KCNIP1: variants seen among roughly 807,000 people sequenced by gnomAD.
KCNIP1 encodes the protein potassium voltage-gated channel interacting protein 1.
Under a neutral mutation model 33.0 loss-of-function variants are expected in KCNIP1, and 18 were observed. That is an observed-to-expected ratio of 0.55 (90% CI 0.38 to 0.81). The LOEUF (loss-of-function observed/expected upper bound fraction) is 0.81, where lower values mean the gene tolerates loss of function less well. Among genes scored for constraint, KCNIP1 ranks in the 30% least tolerant of loss-of-function variants. The probability of loss-of-function intolerance (pLI) is 0.00; values close to 1 mark genes in which losing one functional copy is unlikely to be tolerated. For missense variants in KCNIP1, 238 were observed against 271.6 expected (o/e 0.88, Z 0.87); for synonymous variants, 93 against 98.3 (o/e 0.95, Z 0.32).
At chr5:170,733,202 G>T (rs1443024503) in intron 6 of KCNIP1, among the ~76,000 whole-genome samples, 7 of 152,186 alleles carry the variant, frequency 4.6e-5, no homozygotes, top group African/African-American at 1.7e-4. Context: ...AACTGTGGAG[G>T]TGTTAAGCAT....
chr5:170,367,136 C>A (rs562522732), intron 1 of KCNIP1, among the ~76,000 whole-genome samples: 5 of 151,664 alleles, frequency 3.3e-5, no homozygotes, highest in African/African-American at 7.3e-5. Context: ...CTGACCACAG[C>A]GAAACCCTGT....
At chr5:170,506,940 G>C (rs1046921436) in intron 1 of KCNIP1, among the ~76,000 whole-genome samples, 1 of 152,246 alleles carries the variant, frequency 6.6e-6, no homozygotes, top group Non-Finnish European at 1.5e-5. Flanking sequence ...ATGGGAGGCA[G>C]CTTGGAAACC....
At chr5:170,397,284 C>A (rs187831256) in intron 1 of KCNIP1, among the ~76,000 whole-genome samples, 2 of 152,306 alleles carry the variant, frequency 1.3e-5, no homozygotes, top group Admixed American at 1.3e-4. Context: ...TCTGCAGACA[C>A]CTGATCTCCT....
At chr5:170,718,539 T>C (rs964894973) in intron 1 of KCNIP1, among the ~76,000 whole-genome samples, 5 of 152,192 alleles carry the variant, frequency 3.3e-5, no homozygotes, top group Admixed American at 2.0e-4. Flanking sequence ...GGAACATGTT[T>C]CTCTCCAACG....
intron 1 of KCNIP1, among the ~76,000 whole-genome samples, chr5:170,370,804 G>A (rs1763823342): frequency 6.6e-6 from 1 of 152,190 alleles, no homozygotes. Context: ...CGGGGTTCTG[G>A]CTTGTGGCTG....
intron 1 of KCNIP1, among the ~76,000 whole-genome samples, chr5:170,685,346 G>A (rs1345653341): frequency 6.6e-6 from 1 of 150,612 alleles, no homozygotes; most frequent in African/African-American, 2.4e-5. Flanking sequence ...AAATAAGACT[G>A]ACTCCAGATC....
chr5:170,688,763 G>T (rs1024744597), intron 1 of KCNIP1, among the ~76,000 whole-genome samples: 1 of 152,212 alleles, frequency 6.6e-6, no homozygotes, highest in Admixed American at 6.5e-5. Flanking sequence ...AGAGCCCTAA[G>T]ATTTTTCCAT....
At chr5:170,487,996 T>G (rs1757133818) in intron 1 of KCNIP1, among the ~76,000 whole-genome samples, 1 of 152,174 alleles carries the variant, frequency 6.6e-6, no homozygotes, top group Non-Finnish European at 1.5e-5. Context: ...CTGAAATATC[T>G]TCCTTGATCC....
intron 1 of KCNIP1, among the ~76,000 whole-genome samples, chr5:170,583,589 C>G (rs1295632102): frequency 1.3e-5 from 2 of 152,226 alleles, no homozygotes; most frequent in Admixed American, 1.3e-4. Flanking sequence ...GAATAGCCTG[C>G]CTCTTCATTT....
chr5:170,368,665 T>A (rs1445001358), intron 1 of KCNIP1, among the ~76,000 whole-genome samples: 3 of 152,228 alleles, frequency 2.0e-5, no homozygotes, highest in Non-Finnish European at 2.9e-5. Flanking sequence ...ATACACATCT[T>A]CAATCATACA....
intron 1 of KCNIP1, among the ~76,000 whole-genome samples, chr5:170,610,918 G>A (rs2089192): frequency 0.24 from 36,249 of 152,044 alleles, 4,701 homozygotes; most frequent in East Asian, 0.4. Flanking sequence ...TAGTATGTGC[G>A]GGGTTCTTTC....
chr5:170,439,902 G>C (rs1478622920), intron 1 of KCNIP1, among the ~76,000 whole-genome samples: 1 of 152,204 alleles, frequency 6.6e-6, no homozygotes, highest in Non-Finnish European at 1.5e-5. Flanking sequence ...CATACAACCG[G>C]GGTATGGCTG....
At position 170,469,929 on chromosome 5, in the gene KCNIP1, CTCTT is replaced by C. The variant is rs796105250; in HGVS notation, c.88+115970_88+115973del. Among the ~76,000 whole-genome samples the C allele has an allele frequency of 2.7e-4, 41 of 152,298 alleles. 1 individual carries two copies. The highest frequency in any genetic ancestry group is 9.4e-4 in the African/African-American group (39 of 41,566). Reference sequence around the variant, plus strand: ...ACAATTCTTTCAATAGAGCTTTTCTCTCTTTCTTAATAAGAGATAGGGACAGCAG... The same window carrying C: ...ACAATTCTTTCAATAGAGCTTTTCTCTCTTAATAAGAGATAGGGACAGCAG... On this transcript the variant is annotated intron_variant, in intron 1 of 7. Transcript: ENST00000377360.
At chr5:170,383,211 C>T (rs902213901) in intron 1 of KCNIP1, 1 of 265,860 alleles carries the variant, frequency 3.8e-6, no homozygotes, top group Admixed American at 4.9e-5. Context: ...GCCCTGAGTC[C>T]CTGGTTTCCT....
At chr5:170,359,211 C>T (rs1181693602) in intron 1 of KCNIP1, among the ~76,000 whole-genome samples, 3 of 152,138 alleles carry the variant, frequency 2.0e-5, no homozygotes, top group African/African-American at 7.2e-5. Flanking sequence ...CCCATGAGGG[C>T]CACTCCCCCA....
chr5:170,689,870 C>A (rs1475326733), intron 1 of KCNIP1, among the ~76,000 whole-genome samples: 1 of 152,176 alleles, frequency 6.6e-6, no homozygotes, highest in African/African-American at 2.4e-5. Flanking sequence ...TGCTTCCACT[C>A]TTGTGTAGAA....
At chr5:170,686,537 A>G (rs1762541918) in intron 1 of KCNIP1, among the ~76,000 whole-genome samples, 1 of 152,174 alleles carries the variant, frequency 6.6e-6, no homozygotes. Flanking sequence ...TTTGTCCCGC[A>G]TTCTCCAGAG....
intron 1 of KCNIP1, among the ~76,000 whole-genome samples, chr5:170,611,654 C>A (rs960711318): frequency 6.6e-6 from 1 of 152,240 alleles, no homozygotes; most frequent in Non-Finnish European, 1.5e-5. Context: ...CACCTCCCAA[C>A]ACCTCCCAAG....
At chr5:170,627,834 AGAG>A (rs1759891400) in intron 1 of KCNIP1, among the ~76,000 whole-genome samples, 1 of 152,208 alleles carries the variant, frequency 6.6e-6, no homozygotes, top group Non-Finnish European at 1.5e-5. Context: ...ACAGGGCTGA[AGAG>A]GAGAGGGGCT....
Sources: allele counts gnomAD v4.1 joint callset (sites outside exome capture counted in the v4.1 genomes callset), GRCh38; gene constraint gnomAD v4.1.1; transcripts MANE v1.5; gene names NCBI Gene and HGNC (gene_info 2026-07-23, HGNC 2026-07-21).